LSAMP: variants seen among roughly 807,000 people sequenced by gnomAD.
The protein encoded by LSAMP is limbic system associated membrane protein.
A neutral mutation model predicts 38.6 loss-of-function variants in LSAMP; 7 were observed. The observed-to-expected ratio is 0.18, with a 90% CI of 0.10 to 0.34. The LOEUF is 0.34. Among genes scored for constraint, LSAMP ranks in the 10% least tolerant of loss-of-function variants. The pLI is 1.00. For missense variants in LSAMP, 313 were observed against 420.0 expected (o/e 0.75, Z 2.23); for synonymous variants, 154 against 166.8 (o/e 0.92, Z 0.59).
chr3:116,010,642 C>G (rs542830159), intron 3 of LSAMP, among the ~76,000 whole-genome samples: 1 of 152,274 alleles, frequency 6.6e-6, no homozygotes, highest in South Asian at 2.1e-4. Flanking sequence ...GAAAATGATG[C>G]AAGTGGGATG....
chr3:116,413,172 C>T (rs1201035612), intron 1 of LSAMP, among the ~76,000 whole-genome samples: 1 of 151,896 alleles, frequency 6.6e-6, no homozygotes, highest in Admixed American at 6.6e-5. Context: ...CCATTAAAAC[C>T]ACAAATTTCT....
chr3:116,186,973 G>A lies in LSAMP; in HGVS notation c.156-100417C>T, dbSNP rs1168594879. Reference sequence around the variant, plus strand: ...TGAAGGAGGGGCAACCAGGTGGTGGGAGGGGTGGTGATGTGTATGTAGTAA... The same window carrying A: ...TGAAGGAGGGGCAACCAGGTGGTGGAAGGGGTGGTGATGTGTATGTAGTAA... On this transcript the variant is annotated intron_variant, in intron 1 of 6. Coordinates refer to ENST00000490035, the MANE Select transcript of LSAMP (RefSeq NM_002338.5). Among the ~76,000 whole-genome samples, 3 of 152,116 alleles carry A rather than the reference G, an allele frequency of 2.0e-5. No homozygotes were observed. In the East Asian group the frequency reaches 5.8e-4, roughly 29 times the overall value.
chr3:116,400,594 T>C (rs1021695727), intron 1 of LSAMP, among the ~76,000 whole-genome samples: 5 of 152,068 alleles, frequency 3.3e-5, no homozygotes, highest in Admixed American at 3.3e-4. Flanking sequence ...TTCTCTTGTC[T>C]CAGCCCCCAA....
chr3:116,052,014 A>G (rs963198961), intron 2 of LSAMP, among the ~76,000 whole-genome samples: 2 of 152,178 alleles, frequency 1.3e-5, no homozygotes, highest in African/African-American at 4.8e-5. Context: ...GAACATAGAG[A>G]AAGGTAAAAT....
At chr3:116,187,701 T>G (rs1710652906) in intron 1 of LSAMP, among the ~76,000 whole-genome samples, 1 of 152,150 alleles carries the variant, frequency 6.6e-6, no homozygotes, top group Non-Finnish European at 1.5e-5. Context: ...TCCCAGCACA[T>G]AGCTTCTTTA....
At chr3:116,380,253 C>T (rs2048540192) in intron 1 of LSAMP, among the ~76,000 whole-genome samples, 1 of 151,992 alleles carries the variant, frequency 6.6e-6, no homozygotes, top group African/African-American at 2.4e-5. Context: ...TATAGAGATA[C>T]TGTGAGCTGT....
chr3:116,027,818 T>C (rs1253107752), intron 2 of LSAMP, among the ~76,000 whole-genome samples: 1 of 152,108 alleles, frequency 6.6e-6, no homozygotes, highest in African/African-American at 2.4e-5. Flanking sequence ...GAGAGAAAAG[T>C]GGTCAGTTGG....
intron 3 of LSAMP, among the ~76,000 whole-genome samples, chr3:115,942,527 G>A (rs1288116688): frequency 6.6e-6 from 1 of 152,114 alleles, no homozygotes; most frequent in Non-Finnish European, 1.5e-5. Flanking sequence ...TGTGAGAAAA[G>A]AGTTCCTTTC....
chr3:116,084,371 A>G (rs925558374), intron 2 of LSAMP, among the ~76,000 whole-genome samples: 1 of 151,612 alleles, frequency 6.6e-6, no homozygotes, highest in Admixed American at 6.6e-5. Flanking sequence ...AAAAAAGAGG[A>G]ACATTGGGCA....
At chr3:116,180,639 G>T (rs62269195) in intron 1 of LSAMP, among the ~76,000 whole-genome samples, 2,034 of 152,220 alleles carry the variant, frequency 0.013, 15 homozygotes, top group Non-Finnish European at 0.021. Context: ...GCCTGTATTT[G>T]ATGACCAATA....
chr3:116,300,868 C>A (rs934616478), intron 1 of LSAMP, among the ~76,000 whole-genome samples: 8 of 152,058 alleles, frequency 5.3e-5, no homozygotes, highest in Non-Finnish European at 1.2e-4. Context: ...CACAAAAGAC[C>A]AATCCAACCT....
chr3:115,950,470 C>G (rs951501077), intron 3 of LSAMP, among the ~76,000 whole-genome samples: 4 of 151,832 alleles, frequency 2.6e-5, no homozygotes, highest in African/African-American at 9.7e-5. Flanking sequence ...AATCAAAATG[C>G]AAAATCAATC....
intron 1 of LSAMP, among the ~76,000 whole-genome samples, chr3:116,201,686 T>A (rs2045988989): frequency 6.6e-6 from 1 of 152,160 alleles, no homozygotes; most frequent in Admixed American, 6.5e-5. Flanking sequence ...GAATGCTGTG[T>A]TTCATAGCCA....
intron 3 of LSAMP, among the ~76,000 whole-genome samples, chr3:115,857,903 G>A (rs1935557263): frequency 6.6e-6 from 1 of 152,178 alleles, no homozygotes; most frequent in Non-Finnish European, 1.5e-5. Flanking sequence ...AAATCAGCCA[G>A]GAATAACTCC....
At chr3:116,109,012 G>T (rs916686791) in intron 1 of LSAMP, among the ~76,000 whole-genome samples, 1 of 152,170 alleles carries the variant, frequency 6.6e-6, no homozygotes, top group African/African-American at 2.4e-5. Flanking sequence ...AGCAGATTGG[G>T]TAATAAAATG....
intron 1 of LSAMP, among the ~76,000 whole-genome samples, chr3:116,163,214 A>C (rs1340622983): frequency 7.8e-6 from 1 of 128,136 alleles, no homozygotes; most frequent in Non-Finnish European, 1.7e-5. Context: ...TCCTAATGCT[A>C]TCCCTCCCCC....
At chr3:116,161,145 G>A (rs904276107) in intron 1 of LSAMP, among the ~76,000 whole-genome samples, 7 of 152,096 alleles carry the variant, frequency 4.6e-5, no homozygotes, top group Non-Finnish European at 8.8e-5. Context: ...ATAGAGTTTA[G>A]CTTCAGAATA....
chr3:116,108,168 T>TG (rs1311804501), intron 1 of LSAMP, among the ~76,000 whole-genome samples: 4 of 151,752 alleles, frequency 2.6e-5, no homozygotes, highest in Admixed American at 1.3e-4. Flanking sequence ...TGGATTAAGG[T>TG]GGGGGAATAC....
chr3:116,371,810 T>G (rs1413213072), intron 1 of LSAMP, among the ~76,000 whole-genome samples: 1 of 152,032 alleles, frequency 6.6e-6, no homozygotes, highest in Non-Finnish European at 1.5e-5. Flanking sequence ...CACACACCTG[T>G]TAGAACTAAT....
Sources: gnomAD v4.1 joint callset for allele counts (sites outside exome capture counted in the v4.1 genomes callset) on GRCh38, gnomAD v4.1.1 for gene constraint, MANE v1.5 for transcripts, NCBI Gene and HGNC (gene_info 2026-07-23, HGNC 2026-07-21) for gene names.